DNAH11: variants seen among roughly 807,000 people sequenced by gnomAD.
DNAH11 encodes the protein axonemal beta dynein heavy chain 11.
A neutral mutation model predicts 526.0 loss-of-function variants in DNAH11; 442 were observed. That is an observed-to-expected ratio of 0.84 (90% CI 0.78 to 0.91). DNAH11 has a LOEUF of 0.91. Among genes scored for constraint, DNAH11 ranks in the 40% least tolerant of loss-of-function variants. DNAH11 has a pLI of 0.00. For missense variants in DNAH11, 6,989 were observed against 5,448.7 expected, an observed-to-expected ratio of 1.28 and a Z score of -8.90; for synonymous variants, 2,461 against 1,935.9, an observed-to-expected ratio of 1.27 and a Z score of -7.12.
At chr7:21,771,039 A>G (rs1787414575) in intron 55 of DNAH11, among the ~76,000 whole-genome samples, 1 of 152,256 alleles carries the variant, frequency 6.6e-6, no homozygotes, top group Non-Finnish European at 1.5e-5. Context: ...TGTGTAGCAC[A>G]TCAGTTTGAC....
At chr7:21,655,376 G>A (rs1213511063) in intron 28 of DNAH11, among the ~76,000 whole-genome samples, 1 of 152,116 alleles carries the variant, frequency 6.6e-6, no homozygotes, top group Non-Finnish European at 1.5e-5. Context: ...AGGCAAGTGC[G>A]TGTTAACAGA....
intron 61 of DNAH11, among the ~76,000 whole-genome samples, chr7:21,798,533 G>A (rs946657905): frequency 1.3e-5 from 2 of 152,220 alleles, no homozygotes; most frequent in African/African-American, 4.8e-5. Context: ...TTTGTGAAAT[G>A]CCTTCCATTA....
At position 21,885,189 on chromosome 7, in the gene DNAH11, C is replaced by CA. The variant is rs1400570074; in HGVS notation, c.12507+780dup. ...TGAACTATAAAAAAAAAAAAAAAAA[C>CA]ACACACATTTATGACACAATGGGAA... On this transcript the variant is annotated intron_variant, in intron 76 of 81. Coordinates refer to ENST00000409508, the MANE Select transcript of DNAH11 (RefSeq NM_001277115.2). Among the ~76,000 whole-genome samples, 5 of 122,688 alleles carry CA rather than the reference C, an allele frequency of 4.1e-5. 1 individual carries two copies. Among genetic ancestry groups the CA allele is most frequent in the Non-Finnish European group, 6.5e-5 (4 of 61,510 alleles). The allele number at this position is 122,688 out of a possible 152,430, so 80.5% of individuals were successfully genotyped here.
intron 40 of DNAH11, among the ~76,000 whole-genome samples, chr7:21,710,269 T>G (rs1029193386): frequency 2.6e-5 from 4 of 152,210 alleles, no homozygotes; most frequent in Non-Finnish European, 5.9e-5. Context: ...TTACCTTCTA[T>G]AAATCCCCAC....
At chr7:21,671,300 G>A (rs946226228) in intron 30 of DNAH11, among the ~76,000 whole-genome samples, 1 of 152,152 alleles carries the variant, frequency 6.6e-6, no homozygotes, top group Non-Finnish European at 1.5e-5. Context: ...AGTGTCTATT[G>A]TCTGTGGCTA....
At chr7:21,778,070 C>A (rs1418674070) in intron 56 of DNAH11, among the ~76,000 whole-genome samples, 3 of 152,140 alleles carry the variant, frequency 2.0e-5, no homozygotes, top group African/African-American at 7.2e-5. Flanking sequence ...TCAGATATTT[C>A]TGAGAACTGA....
intron 55 of DNAH11, among the ~76,000 whole-genome samples, chr7:21,772,720 C>T (rs754289892): frequency 2.6e-5 from 4 of 152,096 alleles, no homozygotes; most frequent in Non-Finnish European, 4.4e-5. Flanking sequence ...ATTTTTAATA[C>T]GCAGCACAAT....
rs140915469 is a variant in DNAH11, at chr7:21,690,997, G to T, written c.6041+116G>T. Reference sequence around the variant, plus strand: ...AAAATTCCTAAGGAAAATCCTATATGATTTCCTTGGGCTCCTTTTATAGAC... The same window carrying T: ...AAAATTCCTAAGGAAAATCCTATATTATTTCCTTGGGCTCCTTTTATAGAC... On this transcript the variant is annotated intron_variant, in intron 35 of 81. Transcript: ENST00000409508. The T allele has an allele frequency of 7.4e-3, 5,325 of 721,292 alleles. 52 individuals carry two copies. Among genetic ancestry groups the T allele is most frequent in the Non-Finnish European group, 9.3e-3 (3,948 of 425,310 alleles). The allele number at this position is 721,292 out of a possible 1,614,324, so 44.7% of individuals were successfully genotyped here.
chr7:21,794,072 G>A (rs11982250), intron 61 of DNAH11, among the ~76,000 whole-genome samples: 48,416 of 152,028 alleles, frequency 0.32, 8,021 homozygotes, highest in East Asian at 0.49. Context: ...TTTTACTTCA[G>A]CAAACGTATT....
chr7:21,854,640 T>C (rs545923910), intron 68 of DNAH11, among the ~76,000 whole-genome samples, 185 bp downstream of exon 68: 2 of 152,220 alleles, frequency 1.3e-5, no homozygotes, highest in East Asian at 3.9e-4. Flanking sequence ...CCTCCCATAT[T>C]CAAGCAATTC....
At chr7:21,798,615 C>G (rs1239463735) in intron 61 of DNAH11, among the ~76,000 whole-genome samples, 1 of 152,174 alleles carries the variant, frequency 6.6e-6, no homozygotes, top group African/African-American at 2.4e-5. Flanking sequence ...GAAACTTTAG[C>G]AAATCACTCA....
intron 51 of DNAH11, among the ~76,000 whole-genome samples, chr7:21,745,846 G>A (rs759068084): frequency 4.6e-5 from 7 of 152,176 alleles, no homozygotes; most frequent in Non-Finnish European, 8.8e-5. Flanking sequence ...CATTTAAAGC[G>A]AGACCTGAAT....
chr7:21,575,450 A>C (rs918103567), intron 8 of DNAH11, among the ~76,000 whole-genome samples: 3 of 152,232 alleles, frequency 2.0e-5, no homozygotes, highest in African/African-American at 7.2e-5. Context: ...TCCTAGAACG[A>C]GTCTATTGTT....
At position 21,855,136 on chromosome 7, in the gene DNAH11, A is replaced by G. The variant is rs564120409; in HGVS notation, c.11202+681A>G. On this transcript the variant is annotated intron_variant, in intron 68 of 81. Coordinates refer to ENST00000409508, the MANE Select transcript of DNAH11 (RefSeq NM_001277115.2). Reference sequence around the variant, plus strand: ...AAGCTCCACCTTCCGGGTTCACTCCATTCTCCTGCCTCAGCCTCCTGAGTA... The same window carrying G: ...AAGCTCCACCTTCCGGGTTCACTCCGTTCTCCTGCCTCAGCCTCCTGAGTA... Among the ~76,000 whole-genome samples the G allele has an allele frequency of 7.1e-4, 103 of 145,316 alleles. 1 individual carries two copies. Among genetic ancestry groups the G allele is most frequent in the African/African-American group, 2.5e-3 (97 of 38,744 alleles).
chr7:21,738,692 T>G lies in DNAH11; in HGVS notation c.7646-9T>G. On this transcript the variant is annotated splice_polypyrimidine_tract_variant and intron_variant, in intron 46 of 81. Transcript: ENST00000409508. ...TTGATGGGTGGACAGAAATATATGT[T>G]TATTTCAGAAATTCTTGAGAAACCC... The G allele has an allele frequency of 6.4e-7, 1 of 1,558,822 alleles. No homozygotes were observed. The highest frequency in any genetic ancestry group is 1.2e-5 in the South Asian group (1 of 82,548).
Position 21,623,802 on chromosome 7 carries a change from C to T in DNAH11, c.4500+3724C>T, listed in dbSNP as rs550320277. On this transcript the variant is annotated intron_variant, in intron 25 of 81. Coordinates refer to ENST00000409508, the MANE Select transcript of DNAH11 (RefSeq NM_001277115.2). The stretch of plus-strand genomic sequence containing the variant: ...GACACAGGAAGGGGAACATCACACT[C>T]TGGGGACTGTTGTGGGGTGGGGGGA... Among the ~76,000 whole-genome samples, 894 of 136,304 alleles carry T rather than the reference C, an allele frequency of 6.6e-3. 3 individuals carry two copies. The highest frequency in any genetic ancestry group is 0.01 in the Non-Finnish European group (659 of 65,118). 89.4% of individuals were successfully genotyped at this position (136,304 alleles called of 152,430 possible). A position where few individuals can be genotyped will look rare whatever the true frequency, so the allele number is the denominator to read the frequency against.
At chr7:21,574,564 C>CTTCCTTTTTTTTT (rs1554313104) in intron 8 of DNAH11, among the ~76,000 whole-genome samples, 12 of 123,848 alleles carry the variant, frequency 9.7e-5, no homozygotes, top group African/African-American at 3.5e-4. Flanking sequence ...CCCTTCCTTC[C>CTTCCTTTTTTTTT]TTTTTTTTTT....
Position 21,719,451 on chromosome 7 carries a change from G to T in DNAH11, c.7135-1274G>T, listed in dbSNP as rs1784791245. Among the ~76,000 whole-genome samples the T allele has an allele frequency of 2.6e-5, 4 of 152,154 alleles. No homozygotes were observed. In the South Asian group the frequency reaches 8.3e-4, roughly 32 times the overall value. ...TGGGAGAAAATAGAAGAAACACATG[G>T]CCGTATTCGTGTGTTCATCTCAGCA... is the stretch of plus-strand genomic sequence containing the variant. On this transcript the variant is annotated intron_variant, in intron 43 of 81. Transcript: ENST00000409508.
intron 45 of DNAH11, 71 bp from the exon 46 acceptor site, chr7:21,735,569 T>G (rs1785565890): frequency 1.5e-6 from 2 of 1,337,408 alleles, no homozygotes; most frequent in East Asian, 5.0e-5. Flanking sequence ...TATAAAATTT[T>G]GGAATGCCTC....
Sources: gnomAD v4.1 joint callset for allele counts (sites outside exome capture counted in the v4.1 genomes callset) on GRCh38, gnomAD v4.1.1 for gene constraint, MANE v1.5 for transcripts, NCBI Gene and HGNC (gene_info 2026-07-23, HGNC 2026-07-21) for gene names.